The following OTUD7B variants were observed in gnomAD, a reference collection of about 807,000 sequenced individuals.
OTUD7B encodes the protein OTU deubiquitinase 7B.
OTUD7B carries 34 observed loss-of-function variants against 82.2 expected under a neutral mutation model. That is an observed-to-expected ratio of 0.41 (90% confidence interval 0.31 to 0.55). The LOEUF (loss-of-function observed/expected upper bound fraction) is 0.55, where lower values mean the gene tolerates loss of function less well. Ranked by LOEUF, OTUD7B falls within the 20% of genes least tolerant of loss-of-function variation. The pLI is 0.20. For missense variants in OTUD7B, 944 were observed against 1,062.1 expected, an observed-to-expected ratio of 0.89 and a Z score of 1.55; for synonymous variants, 398 against 402.7, an observed-to-expected ratio of 0.99 and a Z score of 0.14.
chr1:149,983,146 C>T (rs1411813446), intron 1 of OTUD7B, among the ~76,000 whole-genome samples: 20 of 152,152 alleles, frequency 1.3e-4, no homozygotes, highest in Admixed American at 1.0e-3. Flanking sequence ...TGAGCCACTG[C>T]GCCCGGCCTC....
chr1:150,041,856 C>T, the OTUD7B span, among the ~76,000 whole-genome samples: 1 of 152,058 alleles, frequency 6.6e-6, no homozygotes, highest in Non-Finnish European at 1.5e-5. Context: ...CTTTGCCTAG[C>T]TTATTGAGTT....
chr1:150,036,381 T>A, the OTUD7B span, among the ~76,000 whole-genome samples: 1 of 151,522 alleles, frequency 6.6e-6, no homozygotes, highest in Admixed American at 6.6e-5. Flanking sequence ...TGCCTCAGCC[T>A]CTCAAGTAGC....
At chr1:150,053,312 A>C in the OTUD7B span, among the ~76,000 whole-genome samples, 1 of 152,226 alleles carries the variant, frequency 6.6e-6, no homozygotes, top group Non-Finnish European at 1.5e-5. Context: ...AGCATCTATA[A>C]GGAACTTAAA....
intron 3 of OTUD7B, among the ~76,000 whole-genome samples, chr1:149,969,267 G>T: frequency 6.6e-6 from 1 of 152,074 alleles, no homozygotes; most frequent in South Asian, 2.1e-4. Flanking sequence ...AGGCTGTAGT[G>T]AGCTGTGTTC....
the OTUD7B span, among the ~76,000 whole-genome samples, chr1:150,034,058 A>G: frequency 6.6e-6 from 1 of 152,186 alleles, no homozygotes; most frequent in Non-Finnish European, 1.5e-5. Flanking sequence ...GACAACACTG[A>G]GGATCACACA....
chr1:150,062,760 T>G, the OTUD7B span, among the ~76,000 whole-genome samples: 1 of 133,834 alleles, frequency 7.5e-6, no homozygotes, highest in Non-Finnish European at 1.5e-5. Context: ...TTGCCCAGGC[T>G]GGACTGCAAT....
chr1:149,956,321 T>A (rs968060831), intron 7 of OTUD7B, among the ~76,000 whole-genome samples: 26 of 152,342 alleles, frequency 1.7e-4, no homozygotes, highest in African/African-American at 6.3e-4. Flanking sequence ...TACGAAATTC[T>A]GGGTTGAAAA....
intron 3 of OTUD7B, among the ~76,000 whole-genome samples, chr1:149,969,649 C>T (rs184471272): frequency 1.2e-4 from 19 of 152,188 alleles, no homozygotes; most frequent in South Asian, 2.1e-4. Flanking sequence ...TCTTTTAAAA[C>T]GCAAATGAGA....
chr1:149,971,197 A>G lies in OTUD7B; in HGVS notation c.140T>C (p.Val47Ala). Residue 47 changes from valine to alanine, a missense_variant, in exon 3 of 12, where the codon GTC (valine) becomes GCC (alanine). Physicochemically the swap from Val to Ala is moderately conservative, Grantham distance 64 (BLOSUM62 0). This residue lies in a region of OTUD7B where 530 missense variants were observed against 625.6 expected (regional missense o/e 0.85). Transcript: ENST00000581312. ...GGATGGGGGTAGGTTTCCAGCATGG[A>G]CTTGACGTAGCTGTTCAAAATCACT... The part of the protein sequence containing the change: ...ALSDFEQLRQ[V>A]HAGNLPPSFS... 1 of 1,613,532 alleles carries G rather than the reference A, an allele frequency of 6.2e-7. No homozygotes were observed. The highest frequency in any genetic ancestry group is 8.5e-7 in the Non-Finnish European group (1 of 1,179,582).
the OTUD7B span, among the ~76,000 whole-genome samples, chr1:150,028,632 AC>A: frequency 1.3e-5 from 2 of 152,168 alleles, no homozygotes; most frequent in African/African-American, 4.8e-5. Flanking sequence ...CTTGGCAACC[AC>A]CATTCTACTT....
At chr1:149,987,978 C>T (rs1037727121) in intron 1 of OTUD7B, among the ~76,000 whole-genome samples, 3 of 152,304 alleles carry the variant, frequency 2.0e-5, no homozygotes, top group Admixed American at 1.3e-4. Context: ...ATCTACCAAT[C>T]CTACCTCCCC....
chr1:149,959,563 A>G (rs1553775228), intron 7 of OTUD7B, 121 bp downstream of exon 7: 4 of 681,282 alleles, frequency 5.9e-6, no homozygotes, highest in Non-Finnish European at 8.0e-6. Flanking sequence ...TTGTGCCCTT[A>G]GCATAGTTCC....
At chr1:149,955,039 C>T (rs1286218512) in intron 7 of OTUD7B, among the ~76,000 whole-genome samples, 1 of 151,992 alleles carries the variant, frequency 6.6e-6, no homozygotes, top group African/African-American at 2.4e-5. Flanking sequence ...GTGTCTCTAT[C>T]TCCTTCAGTT....
intron 1 of OTUD7B, among the ~76,000 whole-genome samples, chr1:150,005,007 C>A (rs781973054): frequency 3.3e-5 from 5 of 152,054 alleles, no homozygotes; most frequent in Non-Finnish European, 7.4e-5. Flanking sequence ...GGATTACAGG[C>A]GTGAGCCACT....
chr1:150,054,254 C>T, the OTUD7B span: 1 of 456,962 alleles, frequency 2.2e-6, no homozygotes, highest in Non-Finnish European at 4.2e-6. Flanking sequence ...AGGAAAAAAA[C>T]CCTTCAGTCA....
chr1:149,991,324 T>C (rs1651553985), intron 1 of OTUD7B, among the ~76,000 whole-genome samples: 1 of 152,214 alleles, frequency 6.6e-6, no homozygotes, highest in Non-Finnish European at 1.5e-5. Flanking sequence ...CTCTCATTTC[T>C]ACTGATCGTA....
At chr1:149,976,801 T>C (rs1332595905) in intron 2 of OTUD7B, among the ~76,000 whole-genome samples, 1 of 151,804 alleles carries the variant, frequency 6.6e-6, no homozygotes, top group Non-Finnish European at 1.5e-5. Context: ...CACTTCTATA[T>C]AAAGAGGAAG....
intron 1 of OTUD7B, among the ~76,000 whole-genome samples, chr1:149,981,082 G>GAAGGAGGAGGAA (rs1650696263): frequency 6.7e-6 from 1 of 150,282 alleles, no homozygotes; most frequent in South Asian, 2.1e-4. Context: ...TCAGGGAGGA[G>GAAGGAGGAGGAA]GAGGAGGAGG....
rs782604438 is a variant in OTUD7B, at chr1:149,967,493, G to A, written c.303C>T (p.His101=). ...CCAGGGAAACAATGCTGGAGCTGGC[G>A]TGGGAGATGCCCCTAGACAGGCGTT... is the stretch of plus-strand genomic sequence containing the variant. The part of the protein sequence containing the change: ...QEKRLSRGIS[H]ASSSIVSLAR... Residue 101 remains histidine, a synonymous_variant, in exon 4 of 12, where the codon CAC becomes CAT. Coordinates refer to ENST00000581312, the MANE Select transcript of OTUD7B (RefSeq NM_020205.4). 1.1e-5 allele frequency: 17 copies of A among 1,612,160 alleles called. No homozygotes were observed. The highest frequency in any genetic ancestry group is 6.7e-5 in the East Asian group (3 of 44,862).
Sources: allele counts gnomAD v4.1 joint callset (sites outside exome capture counted in the v4.1 genomes callset), GRCh38; gene constraint gnomAD v4.1.1; regional missense constraint gnomAD v4.1.1; transcripts MANE v1.5; gene names NCBI Gene and HGNC (gene_info 2026-07-23, HGNC 2026-07-21).